The following SMIM23 variants were observed in gnomAD, a reference collection of about 807,000 sequenced individuals.
The protein encoded by SMIM23 is small integral membrane protein 23.
SMIM23 carries 10 observed loss-of-function variants against 12.8 expected under a neutral mutation model. That is an observed-to-expected ratio of 0.78 (90% CI 0.48 to 1.32). SMIM23 has a LOEUF of 1.32. Ranked by LOEUF, SMIM23 falls within the 40% of genes most tolerant of loss-of-function variation. The pLI is 0.00. For missense variants in SMIM23, 184 were observed against 198.2 expected, an observed-to-expected ratio of 0.93 and a Z score of 0.43; for synonymous variants, 78 against 80.1, an observed-to-expected ratio of 0.97 and a Z score of 0.14.
Position 171,791,068 on chromosome 5 carries a change from C to G in SMIM23, c.499C>G (p.Leu167Val), listed in dbSNP as rs377646600. 4.6e-6 allele frequency: 7 copies of G among 1,513,874 alleles called. No homozygotes were observed. In the Admixed American group the frequency reaches 6.2e-5, roughly 13 times the overall value. The allele number at this position is 1,513,874 out of a possible 1,614,324, so 93.8% of individuals were successfully genotyped here. Residue 167 changes from leucine to valine, a missense_variant, in exon 4 of 4, where the codon CTA becomes GTA. Leu to Val is a conservative substitution (Grantham distance 32). Transcript: ENST00000523047. ...TGGGGAGGGGTTGCTAGAGATTTCT[C>G]TAAGCGGGGCAGAGCTCTGACTCTT... Reference protein sequence around the residue: ...KGGEGLLEISLSGAEL With the variant: ...KGGEGLLEISVSGAEL
upstream of SMIM23, among the ~76,000 whole-genome samples, chr5:171,781,156 G>A (rs1359070204): frequency 5.3e-5 from 8 of 152,342 alleles, no homozygotes; most frequent in East Asian, 3.9e-4. Context: ...TAGTGAGGGT[G>A]CAGAAGTCCT....
At chr5:171,777,220 C>T in the SMIM23 span, among the ~76,000 whole-genome samples, 170 of 152,314 alleles carry the variant, frequency 1.1e-3, 1 homozygote, top group South Asian at 2.1e-3. Context: ...CAATGACCAA[C>T]AGGAGGTGCC....
chr5:171,789,764 T>A (rs1159712764), intron 1 of SMIM23, among the ~76,000 whole-genome samples: 1 of 152,160 alleles, frequency 6.6e-6, no homozygotes, highest in Non-Finnish European at 1.5e-5. Flanking sequence ...AACAGATTAA[T>A]GGTTCTCTCC....
chr5:171,790,751 T>G (rs975408658), intron 3 of SMIM23, 44 bp from the exon 4 acceptor site: 42 of 1,533,052 alleles, frequency 2.7e-5, no homozygotes, highest in Non-Finnish European at 3.1e-5. Context: ...AGGAGGGTCC[T>G]ATCTGAGAAA....
upstream of SMIM23, among the ~76,000 whole-genome samples, chr5:171,780,896 T>C (rs755910487): frequency 2.0e-5 from 3 of 151,900 alleles, no homozygotes; most frequent in African/African-American, 4.8e-5. Flanking sequence ...ACAAGAATGG[T>C]AGAGTCCAAA....
the SMIM23 span, chr5:171,773,901 C>T: frequency 2.2e-6 from 1 of 453,294 alleles, no homozygotes; most frequent in South Asian, 1.6e-5. Flanking sequence ...GATAAAGAGA[C>T]ATCCCTGTGG....
At chr5:171,774,980 G>T in the SMIM23 span, among the ~76,000 whole-genome samples, 1 of 152,142 alleles carries the variant, frequency 6.6e-6, no homozygotes, top group Non-Finnish European at 1.5e-5. Context: ...CCGGGCCTCT[G>T]GTGGTCAGAG....
chr5:171,791,037 C>T lies in SMIM23; in HGVS notation c.468C>T (p.His156=). Residue 156 remains histidine, a synonymous_variant, in exon 4 of 4, where the codon CAC becomes CAT. Coordinates refer to ENST00000523047, the MANE Select transcript of SMIM23 (RefSeq NM_001289970.2). The stretch of plus-strand genomic sequence containing the variant: ...GGGCCTGGGCCCTGGGGAGAGAGCA[C>T]AAAGGTGGGGAGGGGTTGCTAGAGA... ...WEWAWALGRE[H]KGGEGLLEIS... 6.5e-7 allele frequency: 1 copy of T among 1,531,828 alleles called. No individual in the cohort carries two copies. 94.9% of individuals were successfully genotyped at this position (1,531,828 alleles called of 1,614,324 possible). A position where few individuals can be genotyped will look rare whatever the true frequency, so the allele number is the denominator to read the frequency against.
At chr5:171,782,381 C>T (rs549840333), upstream of SMIM23, 1 of 152,334 alleles carries the variant, frequency 6.6e-6, no homozygotes, top group South Asian at 2.1e-4. Context: ...AACGAGAAGA[C>T]GTTGGAGTTA....
At chr5:171,790,718 T>A in intron 3 of SMIM23, 77 bp from the exon 4 acceptor site, 2 of 1,501,522 alleles carry the variant, frequency 1.3e-6, no homozygotes, top group Non-Finnish European at 1.8e-6. Flanking sequence ...CCAGGGATCT[T>A]TTTGAAACCA....
At chr5:171,788,506 T>C (rs1755860215) in intron 1 of SMIM23, among the ~76,000 whole-genome samples, 1 of 152,108 alleles carries the variant, frequency 6.6e-6, no homozygotes, top group African/African-American at 2.4e-5. Context: ...TATATATTTT[T>C]TAAAAAGAAT....
chr5:171,775,867 C>CATTTT, the SMIM23 span, among the ~76,000 whole-genome samples: 1 of 135,788 alleles, frequency 7.4e-6, no homozygotes, highest in Non-Finnish European at 1.5e-5. Context: ...GCACGTATTT[C>CATTTT]ATTTTGTTTT....
At chr5:171,788,173 AACAC>A (rs10566750) in intron 1 of SMIM23, among the ~76,000 whole-genome samples, 5,393 of 145,708 alleles carry the variant, frequency 0.037, 180 homozygotes, top group African/African-American at 0.088. Flanking sequence ...CACACACACA[AACAC>A]ACACACACAC....
At chr5:171,777,382 GT>G in the SMIM23 span, among the ~76,000 whole-genome samples, 4 of 151,270 alleles carry the variant, frequency 2.6e-5, no homozygotes, top group Admixed American at 6.6e-5. Context: ...AATTAATCCT[GT>G]TTTTTTTTCC....
chr5:171,786,729 T>C (rs909940599), intron 1 of SMIM23, among the ~76,000 whole-genome samples: 20 of 152,190 alleles, frequency 1.3e-4, no homozygotes, highest in African/African-American at 4.6e-4. Flanking sequence ...CTGGACCTTG[T>C]AGCGTATAAC....
chr5:171,783,989 C>T (rs988605610), upstream of SMIM23, among the ~76,000 whole-genome samples: 1 of 152,120 alleles, frequency 6.6e-6, no homozygotes, highest in African/African-American at 2.4e-5. Context: ...CACCGGTAAT[C>T]GCAGCACTTT....
At chr5:171,781,623 G>A (rs1255572941), upstream of SMIM23, among the ~76,000 whole-genome samples, 2 of 151,802 alleles carry the variant, frequency 1.3e-5, no homozygotes, top group Admixed American at 6.6e-5. Flanking sequence ...GGTATAAGAC[G>A]ACGAACCCTG....
At chr5:171,786,538 A>G (rs1755820411) in intron 1 of SMIM23, among the ~76,000 whole-genome samples, 1 of 152,018 alleles carries the variant, frequency 6.6e-6, no homozygotes, top group South Asian at 2.1e-4. Flanking sequence ...TGATTTTAGA[A>G]CTCCCTGAAA....
At chr5:171,784,523 T>G (rs1035139862), upstream of SMIM23, among the ~76,000 whole-genome samples, 20 of 137,984 alleles carry the variant, frequency 1.4e-4, no homozygotes, top group Non-Finnish European at 6.5e-5. Flanking sequence ...AAAGAACAAA[T>G]AGTGTAAACA....
Sources: gnomAD v4.1 joint callset for allele counts (sites outside exome capture counted in the v4.1 genomes callset) on GRCh38, gnomAD v4.1.1 for gene constraint, MANE v1.5 for transcripts, NCBI Gene and HGNC (gene_info 2026-07-23, HGNC 2026-07-21) for gene names.